The following PHF21B variants were observed in gnomAD, a reference collection of about 807,000 sequenced individuals.
PHF21B encodes the protein PHD finger protein 4.
Under a neutral mutation model 62.2 loss-of-function variants are expected in PHF21B, and 22 were observed. The ratio of observed to expected loss-of-function variants is 0.35; its 90% CI spans 0.25 to 0.51. The LOEUF (loss-of-function observed/expected upper bound fraction) is 0.51. Ranked by LOEUF, PHF21B falls within the 20% of genes least tolerant of loss-of-function variation. The probability of loss-of-function intolerance (pLI) is 0.97; values close to 1 mark genes in which losing one functional copy is unlikely to be tolerated. For missense variants in PHF21B, 701 were observed against 707.9 expected, an observed-to-expected ratio of 0.99 and a Z score of 0.11; for synonymous variants, 341 against 314.7, an observed-to-expected ratio of 1.08 and a Z score of -0.88.
At position 44,882,887 on chromosome 22, in the gene PHF21B, AT is replaced by A. The variant is rs1427642091; in HGVS notation, c.*198del. On this transcript the variant is annotated 3_prime_UTR_variant, in exon 13 of 13. Transcript: ENST00000313237. ...CCTGGCTCCTAGGTACCCCCTGTGA[AT>A]TTGGAGGGCACAGGGCCGCACCCCC... 3.3e-6 allele frequency: 2 copies of A among 597,806 alleles called. No individual in the cohort carries two copies. The highest frequency in any genetic ancestry group is 3.8e-5 in the African/African-American group (2 of 52,654). The allele number at this position is 597,806 out of a possible 1,614,324, so 37.0% of individuals were successfully genotyped here. A position where few individuals can be genotyped will look rare whatever the true frequency, so the allele number is the denominator to read the frequency against.
chr22:44,899,925 G>A (rs2071127993), intron 5 of PHF21B, among the ~76,000 whole-genome samples: 2 of 151,948 alleles, frequency 1.3e-5, no homozygotes, highest in African/African-American at 2.4e-5. Flanking sequence ...GGGTTTTTCA[G>A]CAAATCTCTT....
intron 2 of PHF21B, among the ~76,000 whole-genome samples, chr22:44,985,764 G>C (rs1195977040): frequency 6.6e-6 from 1 of 152,138 alleles, no homozygotes; most frequent in Non-Finnish European, 1.5e-5. Flanking sequence ...GTAAATGACA[G>C]CTGCCATGAC....
chr22:45,008,535 C>T lies in PHF21B; in HGVS notation c.120+10G>A, dbSNP rs754799570. 28 of 1,569,470 alleles carry T rather than the reference C, an allele frequency of 1.8e-5. No individual in the cohort carries two copies. Among genetic ancestry groups the T allele is most frequent in the Non-Finnish European group, 2.4e-5 (28 of 1,156,668 alleles). On this transcript the variant is annotated intron_variant, in intron 2 of 12. Transcript: ENST00000313237. ...CCCATCCCAGGGGGGGCCGCGATCC[C>T]ATCGCTTACTTGTTTGTCGCTGAGC...
In PHF21B at chr22:45,009,620, G is replaced by T; in HGVS notation, c.-71C>A. ...CCGGGAAGTTGCGCGGCTCCGCGGG[G>T]GCCAGAGCGGGCGCGGGCGGACGCG... is the stretch of plus-strand genomic sequence containing the variant. On this transcript the variant is annotated 5_prime_UTR_variant, in exon 1 of 13. Coordinates refer to ENST00000313237, the MANE Select transcript of PHF21B (RefSeq NM_138415.5). The surrounding 1 kb of genome is among the most constrained non-coding windows in gnomAD (Gnocchi z 5.9). 1 of 1,434,268 alleles carries T rather than the reference G, an allele frequency of 7.0e-7. No homozygotes were observed. The highest frequency in any genetic ancestry group is 9.1e-7 in the Non-Finnish European group (1 of 1,097,476). 88.8% of individuals were successfully genotyped at this position (1,434,268 alleles called of 1,614,324 possible).
intron 7 of PHF21B, among the ~76,000 whole-genome samples, chr22:44,892,273 G>T (rs1962653485): frequency 1.3e-5 from 2 of 152,216 alleles, no homozygotes; most frequent in Admixed American, 1.3e-4. Context: ...AAGAGGAAGT[G>T]AATGGTATGA....
chr22:44,901,578 T>C, intron 5 of PHF21B: 1 of 287,948 alleles, frequency 3.5e-6, no homozygotes, highest in Non-Finnish European at 6.5e-6. Context: ...GAGTTCTCTT[T>C]CCCATCTTGC....
chr22:44,947,111 T>C (rs2072089299), intron 2 of PHF21B, among the ~76,000 whole-genome samples: 1 of 152,236 alleles, frequency 6.6e-6, no homozygotes. Flanking sequence ...GATCACGCAC[T>C]GCGTGGGTGG....
chr22:44,903,140 A>G (rs1385549446), intron 5 of PHF21B, among the ~76,000 whole-genome samples: 1 of 152,154 alleles, frequency 6.6e-6, no homozygotes, highest in Non-Finnish European at 1.5e-5. Flanking sequence ...ACCTGACAAC[A>G]CCAAGCACTC....
rs1164868255 is a variant in PHF21B at position 44,988,877 on chromosome 22, C to T, written c.120+19668G>A. Among the ~76,000 whole-genome samples the T allele has an allele frequency of 2.0e-5, 3 of 152,234 alleles. No homozygotes were observed. The South Asian group carries it at 6.2e-4, about 32-fold the overall frequency. On this transcript the variant is annotated intron_variant, in intron 2 of 12. Transcript: ENST00000313237. The stretch of plus-strand genomic sequence containing the variant: ...GGGAAGTCCACGTGGAGGGCCCCAG[C>T]AGATGGCAGTGTCCGGTGAGGGCTG...
chr22:44,954,302 T>C (rs1019040783), intron 2 of PHF21B, among the ~76,000 whole-genome samples: 5 of 152,224 alleles, frequency 3.3e-5, no homozygotes, highest in Non-Finnish European at 7.4e-5. Flanking sequence ...ACTCCCTCCC[T>C]CTTTGGGGAC....
In PHF21B at chr22:44,926,304, C is replaced by A. The variant is rs187908621; in HGVS notation, c.121-5814G>T. ...CCGCGGTGGATTCCCGAGGCAGGTT[C>A]CCCGTAAGTGTGTGCATGAGGGGCA... On this transcript the variant is annotated intron_variant, in intron 2 of 12. Transcript: ENST00000313237. Among the ~76,000 whole-genome samples, 6 of 152,346 alleles carry A rather than the reference C, an allele frequency of 3.9e-5. No homozygotes were observed. In the East Asian group the frequency reaches 1.2e-3, roughly 29 times the overall value.
chr22:44,978,859 G>A (rs941736615), intron 2 of PHF21B, among the ~76,000 whole-genome samples: 2 of 152,224 alleles, frequency 1.3e-5, no homozygotes, highest in African/African-American at 4.8e-5. Context: ...GTCCACAGGG[G>A]AACCAGGTGG....
intron 2 of PHF21B, among the ~76,000 whole-genome samples, chr22:44,991,104 G>A (rs952706514): frequency 6.6e-6 from 1 of 152,228 alleles, no homozygotes; most frequent in African/African-American, 2.4e-5. Flanking sequence ...ACTGTCCAGA[G>A]AAATGCAACC....
intron 6 of PHF21B, among the ~76,000 whole-genome samples, chr22:44,894,965 T>C (rs528213400): frequency 1.3e-5 from 2 of 152,344 alleles, no homozygotes; most frequent in South Asian, 4.1e-4. Flanking sequence ...CTGCAATGGA[T>C]AGAAACTCTT....
At chr22:44,922,780 T>C (rs1267948998) in intron 2 of PHF21B, among the ~76,000 whole-genome samples, 1 of 152,194 alleles carries the variant, frequency 6.6e-6, no homozygotes, top group East Asian at 1.9e-4. Context: ...ATATAAGACC[T>C]GTACACTGGA....
At chr22:44,978,651 G>A (rs747539255) in intron 2 of PHF21B, among the ~76,000 whole-genome samples, 63 of 152,170 alleles carry the variant, frequency 4.1e-4, no homozygotes, top group Non-Finnish European at 6.8e-4. Flanking sequence ...GAGCCACCAC[G>A]CCCAGCCTCC....
chr22:45,007,088 G>A (rs1471411959), intron 2 of PHF21B, among the ~76,000 whole-genome samples: 1 of 151,818 alleles, frequency 6.6e-6, no homozygotes, highest in Admixed American at 6.5e-5. Flanking sequence ...CCGGACGGGG[G>A]CGCGCGGCCG....
At chr22:44,883,408 C>A (rs914678250) in intron 12 of PHF21B, 104 bp from the exon 13 acceptor site, 2 of 1,098,958 alleles carry the variant, frequency 1.8e-6, no homozygotes, top group South Asian at 1.6e-5. Flanking sequence ...CAAAGGCCTA[C>A]AAGAAACCAG....
At chr22:44,957,500 A>G (rs557200304) in intron 2 of PHF21B, among the ~76,000 whole-genome samples, 2 of 152,258 alleles carry the variant, frequency 1.3e-5, no homozygotes, top group South Asian at 4.1e-4. Context: ...AATCCATTTT[A>G]TGTGTATTTA....
Sources: allele counts gnomAD v4.1 joint callset (sites outside exome capture counted in the v4.1 genomes callset), GRCh38; gene constraint gnomAD v4.1.1; non-coding constraint Gnocchi (gnomAD v3.1); transcripts MANE v1.5; gene names NCBI Gene and HGNC (gene_info 2026-07-23, HGNC 2026-07-21).